Variants in CDH10 observed in about 807,000 individuals in gnomAD.
The protein encoded by CDH10 is cadherin 10.
In CDH10, 30 loss-of-function variants were observed where a neutral mutation model predicts 73.1. The ratio of observed to expected loss-of-function variants is 0.41; its 90% CI spans 0.31 to 0.56. CDH10 has a LOEUF of 0.56. CDH10 is among the 20% of genes least tolerant of loss of function. The pLI is 0.27. For missense variants in CDH10, 815 were observed against 973.7 expected (o/e 0.84, Z 2.17); for synonymous variants, 345 against 348.2 (o/e 0.99, Z 0.10).
rs751846268 is a variant in CDH10, at chr5:24,505,121, C to T, written c.1384G>A (p.Ala462Thr). The T allele has an allele frequency of 3.1e-6, 5 of 1,608,414 alleles. No individual in the cohort carries two copies. Among genetic ancestry groups the T allele is most frequent in the Non-Finnish European group, 4.3e-6 (5 of 1,175,678 alleles). The change falls in exon 8 of 12, where the codon GCT becomes ACT. Residue 462 changes from alanine (A) to threonine (T), a missense_variant. By Grantham distance (58) the Ala-to-Thr change is moderately conservative (BLOSUM62 0). Around this residue, in one of 3 missense-constraint regions of CDH10, gnomAD observed 516 missense variants for 636.6 expected, o/e 0.81. Coordinates refer to ENST00000264463, the MANE Select transcript of CDH10 (RefSeq NM_006727.5). ...SQWHNLTVIA[A>T]EINNPKETTR... ...ATAAAATTCATCTTACTGATTTCAGCAGCAATAACAGTAAGATTATGCCAC... is the reference window on the plus strand; with the variant it reads ...ATAAAATTCATCTTACTGATTTCAGTAGCAATAACAGTAAGATTATGCCAC...
intron 2 of CDH10, among the ~76,000 whole-genome samples, chr5:24,585,730 T>TA (rs1745971605): frequency 6.6e-6 from 1 of 152,208 alleles, no homozygotes; most frequent in African/African-American, 2.4e-5. Context: ...AGCCCAAACA[T>TA]ACTTTTTCTT....
At chr5:24,580,841 T>C (rs1745773735) in intron 2 of CDH10, among the ~76,000 whole-genome samples, 1 of 152,190 alleles carries the variant, frequency 6.6e-6, no homozygotes, top group Admixed American at 6.5e-5. Flanking sequence ...TCCAGCTGTC[T>C]GCATTCTGTG....
chr5:24,565,638 A>T (rs1324543698), intron 2 of CDH10, among the ~76,000 whole-genome samples: 1 of 152,180 alleles, frequency 6.6e-6, no homozygotes. Flanking sequence ...ATTTGGAGAT[A>T]GGGCCTCTAA....
At chr5:24,604,992 T>G (rs1193712946) in intron 1 of CDH10, among the ~76,000 whole-genome samples, 6 of 151,658 alleles carry the variant, frequency 4.0e-5, no homozygotes, top group Non-Finnish European at 7.4e-5. Flanking sequence ...GTATAAAGAA[T>G]TGCCAAATCT....
chr5:24,581,204 C>T (rs1745785314), intron 2 of CDH10, among the ~76,000 whole-genome samples: 1 of 152,174 alleles, frequency 6.6e-6, no homozygotes, highest in East Asian at 1.9e-4. Flanking sequence ...CTCTTGCTTC[C>T]TTTGCTTCAG....
chr5:24,515,445 C>T (rs556851713), intron 5 of CDH10, among the ~76,000 whole-genome samples: 4 of 152,170 alleles, frequency 2.6e-5, no homozygotes, highest in African/African-American at 9.6e-5. Flanking sequence ...GTCCAGTGGA[C>T]GTATAGTGTG....
At position 24,499,021 on chromosome 5, in the gene CDH10, G is replaced by T. The variant is rs374051515; in HGVS notation, c.1394-502C>A. Among the ~76,000 whole-genome samples the T allele has an allele frequency of 9.2e-5, 14 of 152,244 alleles. No homozygotes were observed. In the South Asian group the frequency reaches 2.9e-3, roughly 32 times the overall value. On this transcript the variant is annotated intron_variant, in intron 8 of 11. Coordinates refer to ENST00000264463, the MANE Select transcript of CDH10 (RefSeq NM_006727.5). ...AGGGGACCTGAGCGGGTTGCCCGAA[G>T]AAATAGTTTTAAATAAATTGGTAAC...
intron 2 of CDH10, among the ~76,000 whole-genome samples, chr5:24,560,200 TTGTGTGTGTGTGTGTGTGTG>T (rs70965615): frequency 1.9e-4 from 28 of 148,350 alleles, no homozygotes; most frequent in Admixed American, 2.7e-4. Flanking sequence ...ATATTTGCAA[TTGTGTGTGTGTGTGTGTGTG>T]TGTGTGTGTG....
intron 9 of CDH10, among the ~76,000 whole-genome samples, chr5:24,495,239 GAAAC>G (rs1380508804): frequency 2.0e-5 from 3 of 152,066 alleles, no homozygotes; most frequent in African/African-American, 7.2e-5. Context: ...CCATAATTAG[GAAAC>G]AAACAAACAA....
In CDH10 at chr5:24,625,247, T is replaced by C. The variant is rs765858656; in HGVS notation, c.-124+19347A>G. ...GCCCAATATACTGTTACTACCACTTTTATCTTTGTCAAAGGACAGAACTCT... is the reference window on the plus strand; with the variant it reads ...GCCCAATATACTGTTACTACCACTTCTATCTTTGTCAAAGGACAGAACTCT... On this transcript the variant is annotated intron_variant, in intron 1 of 11. Transcript: ENST00000264463. Among the ~76,000 whole-genome samples, 78 of 141,688 alleles carry C rather than the reference T, an allele frequency of 5.5e-4. No individual in the cohort carries two copies. In the Middle Eastern group the frequency reaches 0.011, roughly 19 times the overall value. 93.0% of individuals were successfully genotyped at this position (141,688 alleles called of 152,430 possible).
chr5:24,644,285 T>C (rs1748145281), intron 1 of CDH10, among the ~76,000 whole-genome samples: 2 of 152,204 alleles, frequency 1.3e-5, no homozygotes, highest in African/African-American at 4.8e-5. Context: ...ATTCACTTCA[T>C]AACATATTTT....
intron 2 of CDH10, among the ~76,000 whole-genome samples, chr5:24,545,164 A>C (rs1362005367): frequency 6.6e-6 from 1 of 152,188 alleles, no homozygotes; most frequent in Non-Finnish European, 1.5e-5. Flanking sequence ...GACTCTTCTT[A>C]TATTTTTGAA....
At chr5:24,638,113 G>C (rs955198180) in intron 1 of CDH10, among the ~76,000 whole-genome samples, 1 of 151,664 alleles carries the variant, frequency 6.6e-6, no homozygotes, top group Non-Finnish European at 1.5e-5. Flanking sequence ...AATTAGTAAA[G>C]AAAATATTTT....
chr5:24,539,454 T>C (rs1413975412), intron 2 of CDH10, among the ~76,000 whole-genome samples: 2 of 152,002 alleles, frequency 1.3e-5, no homozygotes, highest in East Asian at 1.9e-4. Context: ...TAATGCATGC[T>C]ATTACTTGTT....
intron 2 of CDH10, among the ~76,000 whole-genome samples, chr5:24,588,042 T>C (rs2174528): frequency 0.26 from 39,095 of 152,116 alleles, 5,410 homozygotes; most frequent in African/African-American, 0.35. Context: ...TTGAAGTCCC[T>C]AGAGATTTTA....
intron 2 of CDH10, among the ~76,000 whole-genome samples, chr5:24,591,872 G>A (rs939395615): frequency 6.6e-6 from 1 of 151,810 alleles, no homozygotes; most frequent in African/African-American, 2.4e-5. Flanking sequence ...TAAAGTACTA[G>A]ATGAAGGGAA....
chr5:24,568,374 G>T (rs1331930013), intron 2 of CDH10, among the ~76,000 whole-genome samples: 40 of 151,916 alleles, frequency 2.6e-4, no homozygotes, highest in Admixed American at 2.4e-3. Context: ...CATCCAAATG[G>T]CCAGTAAGTA....
At chr5:24,532,271 G>T (rs1417541257) in intron 5 of CDH10, among the ~76,000 whole-genome samples, 1 of 151,808 alleles carries the variant, frequency 6.6e-6, no homozygotes, top group Non-Finnish European at 1.5e-5. Flanking sequence ...TAATAATAAT[G>T]GTAATAGAGC....
At chr5:24,491,164 C>T (rs778808435) in intron 11 of CDH10, among the ~76,000 whole-genome samples, 6 of 152,098 alleles carry the variant, frequency 3.9e-5, no homozygotes, top group East Asian at 1.9e-4. Flanking sequence ...ACCTAGGTTC[C>T]GAAGATCTCT....
Sources: gnomAD v4.1 joint callset for allele counts (sites outside exome capture counted in the v4.1 genomes callset) on GRCh38, gnomAD v4.1.1 for gene constraint, gnomAD v4.1.1 regional missense constraint, MANE v1.5 for transcripts, NCBI Gene and HGNC (gene_info 2026-07-23, HGNC 2026-07-21) for gene names.